The following HID1 variants were observed in gnomAD, a reference collection of about 807,000 sequenced individuals.
HID1 encodes protein HID1.
Under a neutral mutation model 89.7 loss-of-function variants are expected in HID1, and 42 were observed. The observed-to-expected ratio is 0.47, with a 90% CI of 0.37 to 0.61. The LOEUF is 0.61. HID1 is among the 20% of genes least tolerant of loss of function. HID1 has a pLI of 0.00. For missense variants in HID1, 854 were observed against 1,039.3 expected (o/e 0.82, Z 2.45); for synonymous variants, 442 against 433.8 (o/e 1.02, Z -0.24).
intron 2 of HID1, 121 bp from the exon 3 acceptor site, chr17:74,964,031 GGA>G: frequency 1.9e-6 from 2 of 1,042,942 alleles, no homozygotes; most frequent in Non-Finnish European, 1.4e-6. Context: ...AGGCTGCAGA[GGA>G]GAGACAGTGG....
At position 74,962,210 on chromosome 17, in the gene HID1, G is replaced by A. The variant is rs1296441257; in HGVS notation, c.611+24C>T. The A allele has an allele frequency of 1.3e-6, 2 of 1,572,716 alleles. No individual in the cohort carries two copies. Among genetic ancestry groups the A allele is most frequent in the East Asian group, 2.3e-5 (1 of 44,086 alleles). On this transcript the variant is annotated intron_variant, in intron 5 of 18. Transcript: ENST00000425042. This position sits in a 1 kb window ranked among gnomAD's most constrained non-coding sequence, Gnocchi z 4.3. The stretch of plus-strand genomic sequence containing the variant: ...GGCCCGGGGTCCAGCTGCATTGAGG[G>A]CTCCGGGCCTGGGCGAAGCTCACCG...
At chr17:74,971,325 C>T (rs2039644085) in intron 1 of HID1, among the ~76,000 whole-genome samples, 1 of 152,178 alleles carries the variant, frequency 6.6e-6, no homozygotes, top group Admixed American at 6.5e-5. Context: ...GAACGAAAAC[C>T]CCATCCTAAA....
Position 74,958,053 on chromosome 17 carries a change from G to T in HID1, c.1471+88C>A. ...TGCGTTCTTTCTGTGGGCTGGAGGG[G>T]CTTGAAACCTGGAGCAAGTGGCAGG... On this transcript the variant is annotated intron_variant, in intron 12 of 18. Coordinates refer to ENST00000425042, the MANE Select transcript of HID1 (RefSeq NM_030630.3). The surrounding 1 kb of genome is among the most constrained non-coding windows in gnomAD (Gnocchi z 5.2). 1.6e-6 allele frequency: 2 copies of T among 1,220,722 alleles called. No individual in the cohort carries two copies. Among genetic ancestry groups the T allele is most frequent in the Non-Finnish European group, 2.3e-6 (2 of 856,090 alleles). 75.6% of individuals were successfully genotyped at this position (1,220,722 alleles called of 1,614,324 possible).
At chr17:74,967,142 G>A (rs2039574799) in intron 1 of HID1, among the ~76,000 whole-genome samples, 2 of 152,180 alleles carry the variant, frequency 1.3e-5, no homozygotes, top group Non-Finnish European at 2.9e-5. Context: ...AGGAGGCTGA[G>A]GCAGAAATCG....
chr17:74,961,798 G>T, intron 6 of HID1, 75 bp downstream of exon 6: 1 of 882,384 alleles, frequency 1.1e-6, no homozygotes, highest in Non-Finnish European at 1.7e-6. Flanking sequence ...GAGACCCAGA[G>T]CTGGCGAATG....
chr17:74,959,198 T>G lies in HID1; in HGVS notation c.1009-147A>C. The G allele has an allele frequency of 1.1e-6, 1 of 939,266 alleles. No homozygotes were observed. The highest frequency in any genetic ancestry group is 1.5e-6 in the Non-Finnish European group (1 of 662,178). The allele number at this position is 939,266 out of a possible 1,614,324, so 58.2% of individuals were successfully genotyped here. A position where few individuals can be genotyped will look rare whatever the true frequency, so the allele number is the denominator to read the frequency against. On this transcript the variant is annotated intron_variant, in intron 8 of 18. Coordinates refer to ENST00000425042, the MANE Select transcript of HID1 (RefSeq NM_030630.3). This position sits in a 1 kb window ranked among gnomAD's most constrained non-coding sequence, Gnocchi z 4.6. ...CAGAGGGCCCAGATGCTATCACCCA[T>G]AGCTGTCCTGGGGCGATGCCTCAGG...
Position 74,963,826 on chromosome 17 carries a change from G to A in HID1, c.301C>T (p.Leu101Phe). 2.5e-6 allele frequency: 4 copies of A among 1,614,130 alleles called. No homozygotes were observed. The highest frequency in any genetic ancestry group is 3.4e-6 in the Non-Finnish European group (4 of 1,180,010). ...AAGATGTAGGGCAGCACGCGGGTGA[G>A]CAGCCGGCTGCAGTTCAGGACGATC... The part of the protein sequence containing the change: ...KQIVLNCSRL[L>F]TRVLPYIFED... The change falls in exon 3 of 19, where the codon CTC (leucine) becomes TTC (phenylalanine). Residue 101 changes from leucine (L) to phenylalanine (F), a missense_variant. Physicochemically the swap from Leu to Phe is conservative, Grantham distance 22 (BLOSUM62 0). Coordinates refer to ENST00000425042, the MANE Select transcript of HID1 (RefSeq NM_030630.3).
chr17:74,959,232 T>G lies in HID1; in HGVS notation c.1009-181A>C. ...TGGGGCGATGCCTCAGGAAGCGGAGTCCCTCATAGCTGTGGACAGCCCTGG... is the reference window on the plus strand; with the variant it reads ...TGGGGCGATGCCTCAGGAAGCGGAGGCCCTCATAGCTGTGGACAGCCCTGG... On this transcript the variant is annotated intron_variant, in intron 8 of 18. Coordinates refer to ENST00000425042, the MANE Select transcript of HID1 (RefSeq NM_030630.3). This position sits in a 1 kb window ranked among gnomAD's most constrained non-coding sequence, Gnocchi z 4.6. 6.7e-6 allele frequency among the ~76,000 whole-genome samples: 1 copy of G among 149,602 alleles called. No homozygotes were observed. Among genetic ancestry groups the G allele is most frequent in the African/African-American group, 2.5e-5 (1 of 40,242 alleles).
intron 1 of HID1, among the ~76,000 whole-genome samples, chr17:74,968,706 A>C (rs1335382130): frequency 6.6e-6 from 1 of 152,114 alleles, no homozygotes; most frequent in East Asian, 1.9e-4. Flanking sequence ...GTAAGGAAGG[A>C]CATCCCAGGA....
chr17:74,963,982 G>A, intron 2 of HID1, 72 bp from the exon 3 acceptor site: 4 of 1,536,346 alleles, frequency 2.6e-6, no homozygotes, highest in Non-Finnish European at 1.8e-6. Context: ...GGGTCAGGGT[G>A]GGCACCCAGG....
intron 2 of HID1, 181 bp downstream of exon 2, chr17:74,964,302 C>T (rs1470894040): frequency 1.5e-6 from 1 of 668,922 alleles, no homozygotes; most frequent in Non-Finnish European, 2.5e-6. Context: ...AGGACTCCCC[C>T]ATAAATGACG....
chr17:74,960,834 G>A (rs1255160626), intron 6 of HID1, among the ~76,000 whole-genome samples: 1 of 152,218 alleles, frequency 6.6e-6, no homozygotes, highest in Non-Finnish European at 1.5e-5. Context: ...GGAAGGCGGA[G>A]GTCGACCGCC....
rs764193986 is a variant in HID1, at chr17:74,958,518, G to T, written c.1241-40C>A. ...GTGGGAGGGGTCACTCGGGTGGGAG[G>T]GGGAAGGAGGGGCCCAGGCAGTGAC... On this transcript the variant is annotated intron_variant, in intron 10 of 18. Transcript: ENST00000425042. The surrounding 1 kb of genome is among the most constrained non-coding windows in gnomAD (Gnocchi z 5.2). The T allele has an allele frequency of 6.4e-7, 1 of 1,572,066 alleles. No homozygotes were observed. The highest frequency in any genetic ancestry group is 8.6e-7 in the Non-Finnish European group (1 of 1,159,068).
Position 74,951,307 on chromosome 17 carries a change from T to G in HID1, c.*263A>C. ...ACTGAGCCAGGTCTTAAAGAGGGAG[T>G]CCGAGTGTTGGGGGCAGTGGTCTCT... On this transcript the variant is annotated 3_prime_UTR_variant, in exon 19 of 19. Transcript: ENST00000425042. 1.9e-6 allele frequency: 1 copy of G among 538,892 alleles called. No homozygotes were observed. Among genetic ancestry groups the G allele is most frequent in the South Asian group, 2.4e-5 (1 of 41,120 alleles). 33.4% of individuals were successfully genotyped at this position (538,892 alleles called of 1,614,324 possible). A position where few individuals can be genotyped will look rare whatever the true frequency, so the allele number is the denominator to read the frequency against.
intron 1 of HID1, among the ~76,000 whole-genome samples, chr17:74,969,412 T>A (rs1172307505): frequency 6.6e-6 from 1 of 152,088 alleles, no homozygotes; most frequent in Non-Finnish European, 1.5e-5. Flanking sequence ...GGTCTCGATC[T>A]CCTGACCTCG....
chr17:74,952,315 G>C lies in HID1; in HGVS notation c.2098C>G (p.Leu700Val), dbSNP rs750090436. The change falls in exon 17 of 19, where the codon CTG becomes GTG. Residue 700 changes from leucine to valine, a missense_variant. By Grantham distance (32) the Leu-to-Val change is conservative. Coordinates refer to ENST00000425042, the MANE Select transcript of HID1 (RefSeq NM_030630.3). ...SKLPLQTIMR[L>V]LQVLVPQVEK... ...ACCTGCGGAACCAGCACCTGCAGCA[G>C]CCTCATGATGGTCTGCAGCGGCAGC... The C allele has an allele frequency of 6.2e-6, 10 of 1,613,980 alleles. No individual in the cohort carries two copies. The South Asian group carries it at 8.8e-5, about 14-fold the overall frequency.
chr17:74,961,917 G>A lies in HID1; in HGVS notation c.684C>T (p.Gly228=). Residue 228 remains glycine, a synonymous_variant, in exon 6 of 19, where the codon GGC becomes GGT. Transcript: ENST00000425042. The part of the protein sequence containing the change: ...AMYLPPAPES[G]STNPWVQFFC... ...AGAACTGAACCCATGGGTTGGTGCT[G>A]CCACTTTCCGGAGCTGGGGGCAGGT... 1 of 1,603,704 alleles carries A rather than the reference G, an allele frequency of 6.2e-7. No homozygotes were observed.
At chr17:74,965,753 C>T (rs1460294587) in intron 1 of HID1, among the ~76,000 whole-genome samples, 2 of 151,424 alleles carry the variant, frequency 1.3e-5, no homozygotes, top group African/African-American at 2.4e-5. Flanking sequence ...TCTGTCTCTA[C>T]TAAAAATACA....
rs767421439 is a variant in HID1, at chr17:74,953,052, G to A, written c.2006C>T (p.Pro669Leu). The A allele has an allele frequency of 1.1e-5, 17 of 1,608,422 alleles. No homozygotes were observed. The highest frequency in any genetic ancestry group is 8.9e-5 in the South Asian group (8 of 90,090). ...PSQAWREQRR[P>L]STSSASGQWS... ...CTGCCCACTGGCTGATGAGGTGGAC[G>A]GTCGCCGCTGCTCCCTCCATGCCTG... Residue 669 changes from proline to leucine, a missense_variant, in exon 16 of 19, where the codon CCG (proline) becomes CTG (leucine). Transcript: ENST00000425042.
Sources: gnomAD v4.1 joint callset for allele counts (sites outside exome capture counted in the v4.1 genomes callset) on GRCh38, gnomAD v4.1.1 for gene constraint, Gnocchi (gnomAD v3.1) non-coding constraint, MANE v1.5 for transcripts, NCBI Gene and HGNC (gene_info 2026-07-23, HGNC 2026-07-21) for gene names.